STARD13: variants seen among roughly 807,000 people sequenced by gnomAD.
The protein encoded by STARD13 is StAR related lipid transfer domain containing 13, also known as stAR-related lipid transfer protein 13.
In STARD13, 62 loss-of-function variants were observed where a neutral mutation model predicts 106.4. The ratio of observed to expected loss-of-function variants is 0.58; its 90% confidence interval spans 0.48 to 0.72. STARD13 has a LOEUF of 0.72. Among genes scored for constraint, STARD13 ranks in the 30% least tolerant of loss-of-function variants. The pLI is 0.00. For missense variants in STARD13, 1,387 were observed against 1,424.0 expected (o/e 0.97, Z 0.42); for synonymous variants, 565 against 553.0 (o/e 1.02, Z -0.31).
chr13:33,633,699 GT>G, the STARD13 span, among the ~76,000 whole-genome samples: 1 of 152,094 alleles, frequency 6.6e-6, no homozygotes, highest in Non-Finnish European at 1.5e-5. Context: ...CTGGTTCCAG[GT>G]TTTTTTATTC....
At chr13:33,496,146 A>T in the STARD13 span, among the ~76,000 whole-genome samples, 1 of 125,232 alleles carries the variant, frequency 8.0e-6, no homozygotes, top group African/African-American at 2.6e-5. Flanking sequence ...AATCATTTTA[A>T]TTTATGATTT....
chr13:33,181,198 G>C (rs529798074), intron 1 of STARD13, among the ~76,000 whole-genome samples: 1 of 151,814 alleles, frequency 6.6e-6, no homozygotes. Flanking sequence ...TCTGTCTCCC[G>C]TGGGCTATCA....
intron 1 of STARD13, among the ~76,000 whole-genome samples, chr13:33,192,153 GA>G (rs1165849904): frequency 6.6e-6 from 1 of 152,168 alleles, no homozygotes; most frequent in Non-Finnish European, 1.5e-5. Flanking sequence ...AGTTACTATT[GA>G]AAAAACAAAA....
chr13:33,205,024 T>C (rs1439990951), intron 1 of STARD13, among the ~76,000 whole-genome samples: 1 of 152,230 alleles, frequency 6.6e-6, no homozygotes, highest in Non-Finnish European at 1.5e-5. Flanking sequence ...CTATCGCTCA[T>C]AGAATCTTAT....
At chr13:33,667,064 A>T in the STARD13 span, among the ~76,000 whole-genome samples, 1 of 152,242 alleles carries the variant, frequency 6.6e-6, no homozygotes, top group African/African-American at 2.4e-5. Context: ...TGCTTCCATT[A>T]TATATAACTT....
chr13:33,383,023 G>T, the STARD13 span, among the ~76,000 whole-genome samples: 1 of 152,168 alleles, frequency 6.6e-6, no homozygotes, highest in African/African-American at 2.4e-5. Flanking sequence ...GTCTGGGCTG[G>T]TCTGGGATGG....
chr13:33,238,159 T>C (rs747800299), intron 1 of STARD13, among the ~76,000 whole-genome samples: 45 of 152,320 alleles, frequency 3.0e-4, no homozygotes, highest in Admixed American at 1.1e-3. Flanking sequence ...CATCCATTAA[T>C]ACAGCACCAC....
At chr13:33,602,525 G>C in the STARD13 span, among the ~76,000 whole-genome samples, 1 of 152,212 alleles carries the variant, frequency 6.6e-6, no homozygotes, top group Admixed American at 6.5e-5. Context: ...GTGGGGGGCA[G>C]TTTATTAACC....
At chr13:33,658,472 AG>A in the STARD13 span, 1 of 152,240 alleles carries the variant, frequency 6.6e-6, no homozygotes, top group Non-Finnish European at 1.5e-5. Flanking sequence ...TAGATTAGTT[AG>A]TATTTTCCTC....
chr13:33,189,012 T>A (rs1385650444), intron 1 of STARD13, among the ~76,000 whole-genome samples: 1 of 152,198 alleles, frequency 6.6e-6, no homozygotes, highest in Non-Finnish European at 1.5e-5. Flanking sequence ...AGAGCAGACA[T>A]TTAGTGTCTG....
intron 1 of STARD13, among the ~76,000 whole-genome samples, chr13:33,233,452 T>G (rs1889026725): frequency 6.6e-6 from 1 of 152,222 alleles, no homozygotes; most frequent in Admixed American, 6.5e-5. Flanking sequence ...AGGGACAACC[T>G]GACTTCAGGG....
At chr13:33,621,961 CG>C in the STARD13 span, among the ~76,000 whole-genome samples, 6 of 151,608 alleles carry the variant, frequency 4.0e-5, no homozygotes, top group East Asian at 1.2e-3. Context: ...CCCACCACCA[CG>C]CCCGGCTAAT....
chr13:33,548,022 T>A, the STARD13 span, among the ~76,000 whole-genome samples: 1 of 152,350 alleles, frequency 6.6e-6, no homozygotes, highest in East Asian at 1.9e-4. Flanking sequence ...TTATTTTAGA[T>A]TCACTATAAC....
chr13:33,659,472 C>T, the STARD13 span, among the ~76,000 whole-genome samples: 5 of 152,168 alleles, frequency 3.3e-5, no homozygotes, highest in Admixed American at 3.3e-4. Flanking sequence ...CCTTGGCCTC[C>T]CAGAGTGCTG....
At chr13:33,110,327 G>T (rs1330757969) in intron 11 of STARD13, among the ~76,000 whole-genome samples, 2 of 152,304 alleles carry the variant, frequency 1.3e-5, no homozygotes, top group East Asian at 1.9e-4. Context: ...GTTACTGTGT[G>T]CCAGGAACTA....
the STARD13 span, among the ~76,000 whole-genome samples, chr13:33,528,566 C>T: frequency 1.3e-5 from 2 of 151,762 alleles, no homozygotes; most frequent in South Asian, 2.1e-4. Context: ...AGTCACCACA[C>T]GCAGCCCTGA....
the STARD13 span, among the ~76,000 whole-genome samples, chr13:33,667,400 G>A: frequency 1.3e-5 from 2 of 152,170 alleles, no homozygotes; most frequent in Non-Finnish European, 2.9e-5. Flanking sequence ...TCAGAAAAAT[G>A]TTCAAAAATA....
the STARD13 span, among the ~76,000 whole-genome samples, chr13:33,458,769 TCCTC>T: frequency 6.6e-6 from 1 of 151,844 alleles, no homozygotes; most frequent in Non-Finnish European, 1.5e-5. Context: ...ACCCCATTCT[TCCTC>T]TGGGCGCTTC....
At chr13:33,207,354 C>T (rs1467625394) in intron 1 of STARD13, among the ~76,000 whole-genome samples, 1 of 152,124 alleles carries the variant, frequency 6.6e-6, no homozygotes, top group African/African-American at 2.4e-5. Context: ...TCAGTGAGCT[C>T]CTTAAAGGCA....
Sources: allele counts gnomAD v4.1 joint callset (sites outside exome capture counted in the v4.1 genomes callset), GRCh38; gene constraint gnomAD v4.1.1; transcripts MANE v1.5; gene names NCBI Gene and HGNC (gene_info 2026-07-23, HGNC 2026-07-21).